Variants in SVEP1 observed in about 807,000 individuals in gnomAD.
SVEP1 encodes sushi, von Willebrand factor type A, EGF and pentraxin domain containing 1.
A neutral mutation model predicts 367.3 loss-of-function variants in SVEP1; 164 were observed. The ratio of observed to expected loss-of-function variants is 0.45; its 90% CI spans 0.39 to 0.51. The LOEUF (loss-of-function observed/expected upper bound fraction) is 0.51, where lower values mean the gene tolerates loss of function less well. SVEP1 is among the 20% of genes least tolerant of loss of function. The probability of loss-of-function intolerance (pLI) is 0.00; values close to 1 mark genes in which losing one functional copy is unlikely to be tolerated. For missense variants in SVEP1, 4,117 were observed against 4,425.3 expected (o/e 0.93, Z 1.98); for synonymous variants, 1,666 against 1,611.6 (o/e 1.03, Z -0.81).
chr9:110,527,265 C>G (rs1048227617), intron 3 of SVEP1, among the ~76,000 whole-genome samples: 1 of 151,588 alleles, frequency 6.6e-6, no homozygotes, highest in Non-Finnish European at 1.5e-5. Context: ...GCATGTGACT[C>G]TATAATTATT....
intron 14 of SVEP1, among the ~76,000 whole-genome samples, chr9:110,474,681 T>C (rs1829072990): frequency 6.6e-6 from 1 of 152,194 alleles, no homozygotes; most frequent in Non-Finnish European, 1.5e-5. Flanking sequence ...TTATTCTAGA[T>C]ATGTTACTGA....
At chr9:110,430,590 C>T in intron 32 of SVEP1, 140 bp from the exon 33 acceptor site, 1 of 785,434 alleles carries the variant, frequency 1.3e-6, no homozygotes, top group Non-Finnish European at 2.0e-6. Context: ...TGCATGAGGG[C>T]CCAGAGACAC....
At chr9:110,485,987 A>G (rs1311743145) in intron 9 of SVEP1, among the ~76,000 whole-genome samples, 1 of 152,166 alleles carries the variant, frequency 6.6e-6, no homozygotes, top group Non-Finnish European at 1.5e-5. Context: ...ACTGTAGACC[A>G]GTGATGCAGT....
rs774410438 is a variant in SVEP1 at position 110,408,427 on chromosome 9, G to T, written c.7173C>A (p.Val2391=). ...CTPPPLISFG[V]PIPSSALHFG... ...AATGAAGAGCAGAAGAAGGAATGGG[G>T]ACACCAAAGGAAATTAGGGGAGGTG... The change falls in exon 38 of 48, where the codon GTC becomes GTA. Residue 2391 remains valine, a synonymous_variant. Coordinates refer to ENST00000374469, the MANE Select transcript of SVEP1 (RefSeq NM_153366.4). 13 of 1,613,818 alleles carry T rather than the reference G, an allele frequency of 8.1e-6. No individual in the cohort carries two copies. The highest frequency in any genetic ancestry group is 1.1e-5 in the Non-Finnish European group (13 of 1,179,902).
At position 110,482,460 on chromosome 9, in the gene SVEP1, G is replaced by C; in HGVS notation, c.2071C>G (p.Gln691Glu). 1 of 1,586,934 alleles carries C rather than the reference G, an allele frequency of 6.3e-7. No homozygotes were observed. Among genetic ancestry groups the C allele is most frequent in the Non-Finnish European group, 8.6e-7 (1 of 1,165,226 alleles). ...AELVITRSHT[Q>E]GDLFPQGETI... ...TCCCCTTGAGGGAAAAGGTCTCCTT[G>C]TGTATGACTTCTGGTAATGACCAAT... is the stretch of plus-strand genomic sequence containing the variant. Residue 691 changes from glutamine to glutamate, a missense_variant, in exon 11 of 48, where the codon CAA becomes GAA. This residue lies in a region of SVEP1 where 2,174 missense variants were observed against 2,494.3 expected (regional missense o/e 0.87). Transcript: ENST00000374469.
At position 110,436,399 on chromosome 9, in the gene SVEP1, T is replaced by C; in HGVS notation, c.4745A>G (p.Tyr1582Cys). ...ATTGACCTGCTGTGGAGACAGGACA[T>C]AGTCCCAGAGGTTGAGCTGGCTTAT... Reference protein sequence around the residue: ...GSISQLNLWDYVLSPQQVKSL... With the variant: ...GSISQLNLWDCVLSPQQVKSL... Residue 1582 changes from tyrosine (Y) to cysteine (C), a missense_variant, in exon 28 of 48, where the codon TAT becomes TGT. By Grantham distance (194) the Tyr-to-Cys change is radical (BLOSUM62 -2). Around this residue, in one of 4 missense-constraint regions of SVEP1, gnomAD observed 2,174 missense variants for 2,494.3 expected, o/e 0.87. Coordinates refer to ENST00000374469, the MANE Select transcript of SVEP1 (RefSeq NM_153366.4). 3 of 1,613,964 alleles carry C rather than the reference T, an allele frequency of 1.9e-6. No individual in the cohort carries two copies. Among genetic ancestry groups the C allele is most frequent in the South Asian group, 1.1e-5 (1 of 91,082 alleles).
At chr9:110,392,188 T>C (rs1351825256) in intron 40 of SVEP1, among the ~76,000 whole-genome samples, 2 of 145,830 alleles carry the variant, frequency 1.4e-5, no homozygotes, top group African/African-American at 5.1e-5. Context: ...TTCTCTTTCT[T>C]TGGAGACTCA....
At chr9:110,452,011 T>C (rs906435278) in intron 22 of SVEP1, among the ~76,000 whole-genome samples, 2 of 152,306 alleles carry the variant, frequency 1.3e-5, no homozygotes, top group Middle Eastern at 3.4e-3. Context: ...TAAATCTTCA[T>C]GTTCAAGAAA....
chr9:110,433,969 A>C (rs1402119090), intron 30 of SVEP1, among the ~76,000 whole-genome samples: 1 of 152,144 alleles, frequency 6.6e-6, no homozygotes, highest in Non-Finnish European at 1.5e-5. Context: ...CCTAGCACAT[A>C]ATAGGTACTT....
intron 3 of SVEP1, among the ~76,000 whole-genome samples, chr9:110,522,894 T>C (rs1362624142): frequency 2.0e-5 from 3 of 152,212 alleles, no homozygotes; most frequent in African/African-American, 7.2e-5. Flanking sequence ...TAAAAGCCTT[T>C]TTATTTTAGG....
intron 1 of SVEP1, among the ~76,000 whole-genome samples, chr9:110,574,946 CGT>C (rs1830609030): frequency 6.6e-6 from 1 of 151,932 alleles, no homozygotes; most frequent in African/African-American, 2.4e-5. Flanking sequence ...GGAGTTTCAC[CGT>C]GTTAGCCAGG....
intron 1 of SVEP1, among the ~76,000 whole-genome samples, chr9:110,566,909 T>G (rs771973644): frequency 1.3e-5 from 2 of 152,224 alleles, no homozygotes; most frequent in Non-Finnish European, 2.9e-5. Context: ...GGAAAACAGG[T>G]AGGAGTCCAC....
chr9:110,435,207 G>C (rs1250949615), intron 29 of SVEP1, 34 bp downstream of exon 29: 24 of 1,607,896 alleles, frequency 1.5e-5, no homozygotes, highest in Non-Finnish European at 2.0e-5. Flanking sequence ...GTGGTCAAGA[G>C]ATAGTGGAGT....
rs765263909 is a variant in SVEP1 at position 110,503,045 on chromosome 9, C to T, written c.1476G>A (p.Arg492=). 8 of 1,611,112 alleles carry T rather than the reference C, an allele frequency of 5.0e-6. No individual in the cohort carries two copies. Among genetic ancestry groups the T allele is most frequent in the Non-Finnish European group, 6.8e-6 (8 of 1,178,896 alleles). ...GNSQWDGPEP[R]CVERHCSTFQ... is the part of the protein sequence containing the mutation. Reference sequence around the variant, plus strand: ...CACCTTCTAGAAACTTACCCACACACCGGGGTTCTGGCCCATCCCACTGGC... The same window carrying T: ...CACCTTCTAGAAACTTACCCACACATCGGGGTTCTGGCCCATCCCACTGGC... Residue 492 remains arginine (R), a synonymous_variant, in exon 6 of 48, where the codon CGG becomes CGA. Coordinates refer to ENST00000374469, the MANE Select transcript of SVEP1 (RefSeq NM_153366.4).
rs1184143346 is a variant in SVEP1, at chr9:110,407,952, A to G, written c.7648T>C (p.Ser2550Pro). Residue 2550 changes from serine (S) to proline (P), a missense_variant, in exon 38 of 48, where the codon TCT becomes CCT. Coordinates refer to ENST00000374469, the MANE Select transcript of SVEP1 (RefSeq NM_153366.4). ...ETGDWDVDAP[S>P]CNAIHCDSPQ... ...GAATCACAGTGGATGGCATTGCAAG[A>G]TGGGGCATCTACATCCCAATCACCT... 1 of 1,613,894 alleles carries G rather than the reference A, an allele frequency of 6.2e-7. No homozygotes were observed. Among genetic ancestry groups the G allele is most frequent in the East Asian group, 2.2e-5 (1 of 44,896 alleles).
At chr9:110,438,013 T>G (rs1418566350) in intron 27 of SVEP1, among the ~76,000 whole-genome samples, 1 of 152,082 alleles carries the variant, frequency 6.6e-6, no homozygotes, top group South Asian at 2.1e-4. Flanking sequence ...TTTTTTGTAT[T>G]TCTTTCCAGT....
chr9:110,547,480 T>TG (rs1169414514), intron 2 of SVEP1, among the ~76,000 whole-genome samples: 1 of 151,968 alleles, frequency 6.6e-6, no homozygotes, highest in East Asian at 1.9e-4. Context: ...AAGACTGAGG[T>TG]GGGAGGATCA....
chr9:110,565,420 T>A (rs1021976734), intron 1 of SVEP1, among the ~76,000 whole-genome samples: 1 of 152,110 alleles, frequency 6.6e-6, no homozygotes, highest in African/African-American at 2.4e-5. Flanking sequence ...TGACCTTGGA[T>A]TAAAGGAACC....
chr9:110,471,653 T>C (rs1829019784), intron 15 of SVEP1, 56 bp from the exon 16 acceptor site: 2 of 1,327,848 alleles, frequency 1.5e-6, no homozygotes, highest in Non-Finnish European at 2.1e-6. Context: ...CAGAAAGTCA[T>C]TTGTAGTTAA....
Sources: allele counts gnomAD v4.1 joint callset (sites outside exome capture counted in the v4.1 genomes callset), GRCh38; gene constraint gnomAD v4.1.1; regional missense constraint gnomAD v4.1.1; transcripts MANE v1.5; gene names NCBI Gene and HGNC (gene_info 2026-07-23, HGNC 2026-07-21).